EFEMP1: variants seen among roughly 807,000 people sequenced by gnomAD.
EFEMP1 encodes EGF-like fibulin extracellular matrix protein 1.
A neutral mutation model predicts 65.7 loss-of-function variants in EFEMP1; 18 were observed. That is an observed-to-expected ratio of 0.27 (90% confidence interval 0.19 to 0.41). The LOEUF is 0.41. EFEMP1 is among the 10% of genes least tolerant of loss of function. The probability of loss-of-function intolerance (pLI) is 1.00; values close to 1 mark genes in which losing one functional copy is unlikely to be tolerated. For synonymous variants in EFEMP1, 237 were observed against 219.7 expected (o/e 1.08, Z -0.70); for missense variants, 469 against 624.8 (o/e 0.75, Z 2.66).
chr2:55,918,113 A>G lies in EFEMP1; in HGVS notation c.131-62T>C, dbSNP rs939449297. The G allele has an allele frequency of 1.5e-5, 24 of 1,613,374 alleles. No individual in the cohort carries two copies. In the Admixed American group the frequency reaches 2.2e-4, roughly 15 times the overall value. On this transcript the variant is annotated intron_variant, in intron 4 of 11. Transcript: ENST00000355426. ...AGAGGGAAAAATCAAACATGTAAAT[A>G]TAATGCTCATGCCTTTTTGGTATAA...
chr2:55,910,436 T>C (rs890327229), intron 5 of EFEMP1, among the ~76,000 whole-genome samples: 2 of 152,190 alleles, frequency 1.3e-5, no homozygotes, highest in Non-Finnish European at 2.9e-5. Flanking sequence ...ATCAAACACA[T>C]TGGGAAAATT....
rs960075353 is a variant in EFEMP1, at chr2:55,886,183, T to G, written c.518-4449A>C. Among the ~76,000 whole-genome samples, 1 of 152,240 alleles carries G rather than the reference T, an allele frequency of 6.6e-6. No homozygotes were observed. Among genetic ancestry groups the G allele is most frequent in the Non-Finnish European group, 1.5e-5 (1 of 68,046 alleles). On this transcript the variant is annotated intron_variant, in intron 5 of 11. Coordinates refer to ENST00000355426, the MANE Select transcript of EFEMP1 (RefSeq NM_001039348.3). This position sits in a 1 kb window ranked among gnomAD's most constrained non-coding sequence, Gnocchi z 4.0. ...ATTATTTTGAATCTGTCACTCCCTG[T>G]GTGATCTAGGGTCATGGTATCAATT... is the stretch of plus-strand genomic sequence containing the variant.
intron 5 of EFEMP1, among the ~76,000 whole-genome samples, chr2:55,884,677 AG>A (rs1217994384): frequency 6.6e-6 from 1 of 152,236 alleles, no homozygotes; most frequent in African/African-American, 2.4e-5. Context: ...TACTCAGGTC[AG>A]CCATGATTTT....
At chr2:55,868,089 C>T (rs1182369580) in intron 11 of EFEMP1, among the ~76,000 whole-genome samples, 1 of 152,172 alleles carries the variant, frequency 6.6e-6, no homozygotes, top group Non-Finnish European at 1.5e-5. Context: ...CAACATCTTT[C>T]TGATCACTTG....
intron 5 of EFEMP1, among the ~76,000 whole-genome samples, chr2:55,898,526 C>T (rs1044767400): frequency 6.6e-6 from 1 of 152,196 alleles, no homozygotes; most frequent in African/African-American, 2.4e-5. Context: ...AACTCACTCC[C>T]TTTTCCATAA....
At chr2:55,898,945 C>T (rs892288174) in intron 5 of EFEMP1, among the ~76,000 whole-genome samples, 4 of 152,242 alleles carry the variant, frequency 2.6e-5, no homozygotes, top group Non-Finnish European at 2.9e-5. Flanking sequence ...AAGTACTGTA[C>T]GTATGGTAAC....
At chr2:55,874,026 T>C (rs2104376692) in intron 9 of EFEMP1, among the ~76,000 whole-genome samples, 1 of 148,654 alleles carries the variant, frequency 6.7e-6, no homozygotes, top group South Asian at 2.2e-4. Flanking sequence ...TTACAAATTA[T>C]TTTTATGTAT....
chr2:55,872,214 C>G (rs1316376109), intron 9 of EFEMP1, among the ~76,000 whole-genome samples: 3 of 152,086 alleles, frequency 2.0e-5, no homozygotes, highest in Admixed American at 2.0e-4. Context: ...TATTTTTATT[C>G]ATGAATTTAC....
intron 5 of EFEMP1, among the ~76,000 whole-genome samples, chr2:55,890,800 G>A (rs1213682977): frequency 2.0e-5 from 3 of 151,978 alleles, no homozygotes; most frequent in Non-Finnish European, 2.9e-5. Context: ...CAGCCCATAA[G>A]AAGGCCCATA....
intron 5 of EFEMP1, 44 bp from the exon 6 acceptor site, chr2:55,881,778 A>T: frequency 6.2e-7 from 1 of 1,613,586 alleles, no homozygotes; most frequent in South Asian, 1.1e-5. Flanking sequence ...AGTTGTGAAG[A>T]TGTTGATATT....
intron 5 of EFEMP1, among the ~76,000 whole-genome samples, chr2:55,898,664 G>A (rs1284834988): frequency 6.6e-6 from 1 of 152,120 alleles, no homozygotes; most frequent in East Asian, 1.9e-4. Context: ...TGGAGATAGG[G>A]TTTTCATTAT....
chr2:55,923,636 C>G lies in EFEMP1; in HGVS notation c.-49+75G>C. On this transcript the variant is annotated intron_variant, in intron 1 of 11. Transcript: ENST00000355426. The surrounding 1 kb of genome is among the most constrained non-coding windows in gnomAD (Gnocchi z 5.3). Reference sequence around the variant, plus strand: ...GGGTACTCAACACCCCTCAGCTCACCCCACCTCACTCTCCCGCGCGCGGCC... The same window carrying G: ...GGGTACTCAACACCCCTCAGCTCACGCCACCTCACTCTCCCGCGCGCGGCC... 2.0e-6 allele frequency: 2 copies of G among 985,722 alleles called. No individual in the cohort carries two copies. The highest frequency in any genetic ancestry group is 2.4e-6 in the Non-Finnish European group (2 of 830,214). 61.1% of individuals were successfully genotyped at this position (985,722 alleles called of 1,614,324 possible). A position where few individuals can be genotyped will look rare whatever the true frequency, so the allele number is the denominator to read the frequency against.
In EFEMP1 at chr2:55,922,107, C is replaced by A; in HGVS notation, c.81+253G>T. ...ACTTTCTTTGGTTTTAGTTTTTGAACGGATCCCATTTTTAGCCCTGCACAA... is the reference window on the plus strand; with the variant it reads ...ACTTTCTTTGGTTTTAGTTTTTGAAAGGATCCCATTTTTAGCCCTGCACAA... On this transcript the variant is annotated intron_variant, in intron 3 of 11. Transcript: ENST00000355426. This position sits in a 1 kb window ranked among gnomAD's most constrained non-coding sequence, Gnocchi z 5.5. 1 of 447,994 alleles carries A rather than the reference C, an allele frequency of 2.2e-6. No individual in the cohort carries two copies. The allele number at this position is 447,994 out of a possible 1,614,324, so 27.8% of individuals were successfully genotyped here. A position where few individuals can be genotyped will look rare whatever the true frequency, so the allele number is the denominator to read the frequency against.
At chr2:55,914,664 A>G (rs557160398) in intron 5 of EFEMP1, among the ~76,000 whole-genome samples, 1 of 152,366 alleles carries the variant, frequency 6.6e-6, no homozygotes, top group African/African-American at 2.4e-5. Context: ...CCTGCTAAAA[A>G]ATATACATAG....
rs923721057 is a variant in EFEMP1 at position 55,869,169 on chromosome 2, C to T, written c.1320+1551G>A. Among the ~76,000 whole-genome samples, 6 of 151,960 alleles carry T rather than the reference C, an allele frequency of 3.9e-5. No homozygotes were observed. In the East Asian group the frequency reaches 1.2e-3, roughly 29 times the overall value. On this transcript the variant is annotated intron_variant, in intron 11 of 11. Coordinates refer to ENST00000355426, the MANE Select transcript of EFEMP1 (RefSeq NM_001039348.3). The stretch of plus-strand genomic sequence containing the variant: ...GAATAATAAATAACTGTAAAAGTGC[C>T]ATGTTTAATTGCAAAGAAAAAACAT...
rs543539848 is a variant in EFEMP1, at chr2:55,871,786, C to T, written c.1001-663G>A. 6.6e-6 allele frequency among the ~76,000 whole-genome samples: 1 copy of T among 151,964 alleles called. No homozygotes were observed. The highest frequency in any genetic ancestry group is 1.5e-5 in the Non-Finnish European group (1 of 67,982). On this transcript the variant is annotated intron_variant, in intron 9 of 11. Transcript: ENST00000355426. This position sits in a 1 kb window ranked among gnomAD's most constrained non-coding sequence, Gnocchi z 4.2. Reference sequence around the variant, plus strand: ...GCATGCTGGGAGTGGATTATACTGTCCAGAGGAAGCACAGCACAGGAAGTG... The same window carrying T: ...GCATGCTGGGAGTGGATTATACTGTTCAGAGGAAGCACAGCACAGGAAGTG...
At chr2:55,903,987 G>GT (rs1670142684) in intron 5 of EFEMP1, among the ~76,000 whole-genome samples, 1 of 151,988 alleles carries the variant, frequency 6.6e-6, no homozygotes, top group African/African-American at 2.4e-5. Flanking sequence ...TCTTACAGGG[G>GT]GTCCTGTCTT....
intron 6 of EFEMP1, among the ~76,000 whole-genome samples, chr2:55,881,233 A>G (rs1669227495): frequency 1.3e-5 from 2 of 152,120 alleles, no homozygotes; most frequent in Non-Finnish European, 2.9e-5. Flanking sequence ...CAACTCCACC[A>G]TTTGCTCTAT....
intron 5 of EFEMP1, among the ~76,000 whole-genome samples, chr2:55,902,241 C>T (rs763600550): frequency 3.3e-5 from 5 of 152,210 alleles, no homozygotes; most frequent in Admixed American, 6.5e-5. Flanking sequence ...GAAAATAATA[C>T]GTAAACTCAG....
Sources: gnomAD v4.1 joint callset for allele counts (sites outside exome capture counted in the v4.1 genomes callset) on GRCh38, gnomAD v4.1.1 for gene constraint, Gnocchi (gnomAD v3.1) non-coding constraint, MANE v1.5 for transcripts, NCBI Gene and HGNC (gene_info 2026-07-23, HGNC 2026-07-21) for gene names.